The following LRRC3B variants were observed in gnomAD, a reference collection of about 807,000 sequenced individuals.
The protein encoded by LRRC3B is leucine rich repeat containing 3B, also known as leucine-rich repeat-containing protein 3B.
In LRRC3B, 2 loss-of-function variants were observed where a neutral mutation model predicts 12.8. The observed-to-expected ratio is 0.16, with a 90% CI of 0.06 to 0.49. LRRC3B has a LOEUF of 0.49. LRRC3B is among the 20% of genes least tolerant of loss of function. LRRC3B has a pLI of 0.96. For synonymous variants in LRRC3B, 132 were observed against 122.0 expected (o/e 1.08, Z -0.54); for missense variants, 189 against 319.4 (o/e 0.59, Z 3.11).
intron 1 of LRRC3B, among the ~76,000 whole-genome samples, chr3:26,638,022 T>G (rs1454140552): frequency 6.6e-6 from 1 of 152,184 alleles, no homozygotes; most frequent in Non-Finnish European, 1.5e-5. Context: ...TTTTGCAAAA[T>G]TGTAACAACT....
intron 1 of LRRC3B, among the ~76,000 whole-genome samples, chr3:26,684,601 C>A (rs1322080467): frequency 6.6e-6 from 1 of 152,164 alleles, no homozygotes; most frequent in Non-Finnish European, 1.5e-5. Context: ...TCTTGCTGCA[C>A]CACCACATGG....
intron 1 of LRRC3B, among the ~76,000 whole-genome samples, chr3:26,682,038 TA>T (rs1699983306): frequency 6.6e-6 from 1 of 152,066 alleles, no homozygotes; most frequent in African/African-American, 2.4e-5. Flanking sequence ...ATAATGATTA[TA>T]AAAATATTCT....
At chr3:26,685,513 CTCTCTCTCTCTATATATATATATA>C (rs1384920513) in intron 1 of LRRC3B, among the ~76,000 whole-genome samples, 2 of 53,298 alleles carry the variant, frequency 3.8e-5, no homozygotes, top group African/African-American at 7.2e-5. Context: ...CTCTCTCTCT[CTCTCTCTCTCTATATATATATATA>C]TATATATATA....
At chr3:26,634,767 T>C (rs1287340977) in intron 1 of LRRC3B, among the ~76,000 whole-genome samples, 2 of 152,324 alleles carry the variant, frequency 1.3e-5, no homozygotes, top group Middle Eastern at 3.4e-3. Context: ...TCAAACCCTA[T>C]AAAAGTCAAA....
chr3:26,670,448 A>G (rs962721316), intron 1 of LRRC3B, among the ~76,000 whole-genome samples: 4 of 152,186 alleles, frequency 2.6e-5, no homozygotes, highest in African/African-American at 9.7e-5. Context: ...TGTTCATTCT[A>G]CCACTTATAT....
chr3:26,659,325 C>T (rs1267329362), intron 1 of LRRC3B, among the ~76,000 whole-genome samples: 1 of 152,200 alleles, frequency 6.6e-6, no homozygotes, highest in African/African-American at 2.4e-5. Flanking sequence ...CACTCAAATA[C>T]TCATGTGATT....
intron 1 of LRRC3B, among the ~76,000 whole-genome samples, chr3:26,628,555 A>C (rs1292025393): frequency 3.3e-5 from 5 of 151,722 alleles, no homozygotes; most frequent in Non-Finnish European, 7.4e-5. Flanking sequence ...TTTTGTATTC[A>C]TTTTATTATC....
intron 1 of LRRC3B, among the ~76,000 whole-genome samples, chr3:26,667,344 T>G (rs1314061493): frequency 6.6e-6 from 1 of 152,164 alleles, no homozygotes; most frequent in Non-Finnish European, 1.5e-5. Flanking sequence ...ATACCTCCTT[T>G]AAGACTAGCT....
chr3:26,642,784 C>T (rs530153831), intron 1 of LRRC3B, among the ~76,000 whole-genome samples: 46 of 152,092 alleles, frequency 3.0e-4, no homozygotes, highest in African/African-American at 8.9e-4. Context: ...TTTGGGAGGC[C>T]GAGGGAGGCA....
chr3:26,665,233 T>G (rs937294784), intron 1 of LRRC3B, among the ~76,000 whole-genome samples: 1 of 152,118 alleles, frequency 6.6e-6, no homozygotes, highest in African/African-American at 2.4e-5. Flanking sequence ...AGAGCAGAGT[T>G]CTGTGGCCTC....
rs182031672 is a variant in LRRC3B, at chr3:26,655,195, C to T, written c.-161+31958C>T. Reference sequence around the variant, plus strand: ...TAAAAATTGTTTCTTCTTAGATACTCTACTGCAGTGAATTAAACAGTGAAG... The same window carrying T: ...TAAAAATTGTTTCTTCTTAGATACTTTACTGCAGTGAATTAAACAGTGAAG... On this transcript the variant is annotated intron_variant, in intron 1 of 1. Transcript: ENST00000396641. 2.2e-3 allele frequency among the ~76,000 whole-genome samples: 333 copies of T among 152,076 alleles called. 1 individual carries two copies. Among genetic ancestry groups the T allele is most frequent in the African/African-American group, 6.2e-3 (259 of 41,460 alleles).
chr3:26,633,822 G>A (rs377669288), intron 1 of LRRC3B, among the ~76,000 whole-genome samples: 159 of 152,298 alleles, frequency 1.0e-3, no homozygotes, highest in African/African-American at 3.7e-3. Context: ...CTTCCAGGGA[G>A]TGAGCTGCAG....
intron 1 of LRRC3B, among the ~76,000 whole-genome samples, chr3:26,670,263 T>C (rs1265552375): frequency 3.3e-5 from 5 of 152,198 alleles, no homozygotes; most frequent in Non-Finnish European, 5.9e-5. Context: ...GAGAGAGAGA[T>C]GAAGCAGTCT....
chr3:26,663,155 T>C (rs1005225012), intron 1 of LRRC3B, among the ~76,000 whole-genome samples: 1 of 152,136 alleles, frequency 6.6e-6, no homozygotes, highest in Non-Finnish European at 1.5e-5. Context: ...TTCCATAGGT[T>C]TCTCCTTTTT....
chr3:26,707,188 C>T (rs1700614405), intron 1 of LRRC3B, among the ~76,000 whole-genome samples: 1 of 115,064 alleles, frequency 8.7e-6, no homozygotes. Flanking sequence ...CCTGTCTCTA[C>T]TAAAAATACA....
chr3:26,709,597 T>C (rs1159244159), exon 2 of LRRC3B: 9 of 1,407,844 alleles, frequency 6.4e-6, no homozygotes, highest in Non-Finnish European at 8.8e-6. Context: ...ATCAATAGTG[T>C]GGACAGGGCT....
At chr3:26,710,766 A>T (rs1700733160) in exon 2 of LRRC3B, 1 of 198,246 alleles carries the variant, frequency 5.0e-6, no homozygotes, top group Non-Finnish European at 1.1e-5. Context: ...TTAACTTTGA[A>T]CCATGGAAAA....
At position 26,649,281 on chromosome 3, in the gene LRRC3B, G is replaced by A. The variant is rs1281132748; in HGVS notation, c.-161+26044G>A. ...TCCTTTCGTTTGTTTGCTTGTTTTC[G>A]AGAATGGGCAGCCTCTACTGGTCTT... On this transcript the variant is annotated intron_variant, in intron 1 of 1. Coordinates refer to ENST00000396641, the Ensembl canonical transcript of LRRC3B. Among the ~76,000 whole-genome samples the A allele has an allele frequency of 3.9e-5, 6 of 152,120 alleles. No homozygotes were observed. The South Asian group carries it at 6.2e-4, about 16-fold the overall frequency.
intron 1 of LRRC3B, among the ~76,000 whole-genome samples, chr3:26,693,328 CAAAAAAAAAAA>C (rs71950080): frequency 0.37 from 36,152 of 96,656 alleles, 5,620 homozygotes; most frequent in Admixed American, 0.46. Context: ...AACTCCGTCT[CAAAAAAAAAAA>C]AAAAAAAAAA....
Sources: gnomAD v4.1 joint callset for allele counts (sites outside exome capture counted in the v4.1 genomes callset) on GRCh38, gnomAD v4.1.1 for gene constraint, MANE v1.5 for transcripts, NCBI Gene and HGNC (gene_info 2026-07-23, HGNC 2026-07-21) for gene names.